MYSM1: variants seen among roughly 807,000 people sequenced by gnomAD.
MYSM1 encodes the protein deubiquitinase MYSM1.
MYSM1 carries 51 observed loss-of-function variants against 116.0 expected under a neutral mutation model. The observed-to-expected ratio is 0.44, with a 90% confidence interval of 0.35 to 0.56. The LOEUF (loss-of-function observed/expected upper bound fraction) is 0.56, where lower values mean the gene tolerates loss of function less well. Ranked by LOEUF, MYSM1 falls within the 20% of genes least tolerant of loss-of-function variation. MYSM1 has a pLI of 0.00. For missense variants in MYSM1, 900 were observed against 974.9 expected, an observed-to-expected ratio of 0.92 and a Z score of 1.02; for synonymous variants, 313 against 315.2, an observed-to-expected ratio of 0.99 and a Z score of 0.07.
chr1:58,688,283 C>T (rs1247459723), intron 6 of MYSM1, among the ~76,000 whole-genome samples: 2 of 151,292 alleles, frequency 1.3e-5, no homozygotes, highest in African/African-American at 4.9e-5. Flanking sequence ...CTTCAATTAG[C>T]ATACATAAAT....
At chr1:58,679,569 C>T (rs1644706258) in intron 8 of MYSM1, among the ~76,000 whole-genome samples, 1 of 152,124 alleles carries the variant, frequency 6.6e-6, no homozygotes, top group African/African-American at 2.4e-5. Context: ...AGTGATTCTC[C>T]TGCTTCAGTC....
chr1:58,665,465 A>G (rs764539630), intron 17 of MYSM1, 34 bp downstream of exon 17: 4 of 1,499,428 alleles, frequency 2.7e-6, no homozygotes, highest in Non-Finnish European at 3.6e-6. Context: ...ATAAGAGTAG[A>G]AAGAGGATAA....
In MYSM1 at chr1:58,658,485, G is replaced by A. The variant is rs1361127432; in HGVS notation, c.*1512C>T. ...TAGACTTCAGTTACACAAGAATTAA[G>A]GCTCAGGGAAAGTAAACTGTATCTC... is the stretch of plus-strand genomic sequence containing the variant. On this transcript the variant is annotated 3_prime_UTR_variant, in exon 20 of 20. Transcript: ENST00000472487. The A allele has an allele frequency of 6.6e-6, 1 of 152,100 alleles. No individual in the cohort carries two copies. The highest frequency in any genetic ancestry group is 6.6e-5 in the Admixed American group (1 of 15,258). 9.4% of individuals were successfully genotyped at this position (152,100 alleles called of 1,614,324 possible). A position where few individuals can be genotyped will look rare whatever the true frequency, so the allele number is the denominator to read the frequency against.
intron 11 of MYSM1, among the ~76,000 whole-genome samples, chr1:58,672,814 C>G (rs929960647): frequency 2.6e-5 from 4 of 152,100 alleles, no homozygotes; most frequent in Non-Finnish European, 5.9e-5. Context: ...TGGGACCAAC[C>G]TTATTGAACT....
At chr1:58,680,621 G>GC in intron 8 of MYSM1, among the ~76,000 whole-genome samples, 1 of 152,204 alleles carries the variant, frequency 6.6e-6, no homozygotes, top group East Asian at 1.9e-4. Flanking sequence ...ATTTATTATA[G>GC]CAAGTTGTTT....
At chr1:58,697,167 A>T (rs1432085999) in intron 1 of MYSM1, among the ~76,000 whole-genome samples, 1 of 152,156 alleles carries the variant, frequency 6.6e-6, no homozygotes, top group Non-Finnish European at 1.5e-5. Flanking sequence ...AGAAGGAGGG[A>T]GGTAAGGAAT....
At chr1:58,674,805 T>C (rs943886698) in intron 10 of MYSM1, among the ~76,000 whole-genome samples, 1 of 151,654 alleles carries the variant, frequency 6.6e-6, no homozygotes, top group African/African-American at 2.4e-5. Flanking sequence ...CGGGCACCTG[T>C]AGTCCCAGCT....
intron 7 of MYSM1, among the ~76,000 whole-genome samples, chr1:58,683,214 A>G (rs915894691): frequency 6.6e-6 from 1 of 152,234 alleles, no homozygotes; most frequent in African/African-American, 2.4e-5. Flanking sequence ...GCTCAGATCA[A>G]CTGTATGGAA....
At chr1:58,686,125 A>C (rs913926492) in intron 6 of MYSM1, among the ~76,000 whole-genome samples, 3 of 151,830 alleles carry the variant, frequency 2.0e-5, no homozygotes, top group Non-Finnish European at 4.4e-5. Flanking sequence ...GGGTCTCACT[A>C]TGTTGCCTAC....
chr1:58,667,560 A>G (rs539495072), intron 15 of MYSM1, among the ~76,000 whole-genome samples: 1 of 152,016 alleles, frequency 6.6e-6, no homozygotes, highest in South Asian at 2.1e-4. Flanking sequence ...TTTCAACTAA[A>G]GTGTTAGTAC....
intron 1 of MYSM1, among the ~76,000 whole-genome samples, chr1:58,698,262 A>G (rs1439189658): frequency 2.0e-5 from 3 of 149,712 alleles, no homozygotes; most frequent in African/African-American, 4.9e-5. Flanking sequence ...CACCACGCCC[A>G]GCTAATTTTT....
chr1:58,685,321 A>C, intron 6 of MYSM1, 70 bp from the exon 7 acceptor site: 2 of 892,958 alleles, frequency 2.2e-6, no homozygotes, highest in Non-Finnish European at 3.2e-6. Context: ...AGCCACTACC[A>C]CATTAAAAAA....
In MYSM1 at chr1:58,662,460, C is replaced by CA. The variant is rs1164549738; in HGVS notation, c.2165-950_2165-949insT. Among the ~76,000 whole-genome samples, 11 of 52,716 alleles carry CA rather than the reference C, an allele frequency of 2.1e-4. No individual in the cohort carries two copies. The East Asian group carries it at 5.2e-3, about 25-fold the overall frequency. 34.6% of individuals were successfully genotyped at this position (52,716 alleles called of 152,430 possible). ...GAAGTAGCTGCCATTATTCACCCCCCCCTTTTTTTTTTTTCGATGAGGACA... is the reference window on the plus strand; with the variant it reads ...GAAGTAGCTGCCATTATTCACCCCCCACCTTTTTTTTTTTTCGATGAGGACA... On this transcript the variant is annotated intron_variant, in intron 17 of 19. Coordinates refer to ENST00000472487, the MANE Select transcript of MYSM1 (RefSeq NM_001085487.3).
In MYSM1 at chr1:58,667,860, T is replaced by A; in HGVS notation, c.1829A>T (p.Asp610Val). Residue 610 changes from aspartate to valine, a missense_variant, in exon 15 of 20, where the codon GAT becomes GTT. Transcript: ENST00000472487. ...GLLGGRYSEVDKVVEVCAAEP... is the reference protein window; with the variant it reads ...GLLGGRYSEVVKVVEVCAAEP... ...GAGAGAACTTACTTCAACTACTTTATCAACTTCTGAGTATCTTCCTCCTAA... is the reference window on the plus strand; with the variant it reads ...GAGAGAACTTACTTCAACTACTTTAACAACTTCTGAGTATCTTCCTCCTAA... 6.2e-7 allele frequency: 1 copy of A among 1,606,452 alleles called. No individual in the cohort carries two copies. The highest frequency in any genetic ancestry group is 8.5e-7 in the Non-Finnish European group (1 of 1,172,984).
chr1:58,672,420 C>T (rs986392054), intron 11 of MYSM1, among the ~76,000 whole-genome samples: 4 of 151,914 alleles, frequency 2.6e-5, no homozygotes, highest in African/African-American at 7.3e-5. Flanking sequence ...CTTCAGTTAC[C>T]TCATCTTTAA....
At chr1:58,687,382 T>C (rs966962600) in intron 6 of MYSM1, among the ~76,000 whole-genome samples, 4 of 152,176 alleles carry the variant, frequency 2.6e-5, no homozygotes, top group African/African-American at 7.2e-5. Flanking sequence ...GAAGACTTAA[T>C]ACCCTATAAC....
rs1644340961 is a variant in MYSM1, at chr1:58,658,018, A to G, written c.*1979T>C. Reference sequence around the variant, plus strand: ...TTTGTTCCCCAATATATCATGAGGAAACAGGTCAAAAGGAAGATGAGTACA... The same window carrying G: ...TTTGTTCCCCAATATATCATGAGGAGACAGGTCAAAAGGAAGATGAGTACA... On this transcript the variant is annotated 3_prime_UTR_variant, in exon 20 of 20. Transcript: ENST00000472487. 1 of 152,218 alleles carries G rather than the reference A, an allele frequency of 6.6e-6. No individual in the cohort carries two copies. The highest frequency in any genetic ancestry group is 1.5e-5 in the Non-Finnish European group (1 of 68,036). 9.4% of individuals were successfully genotyped at this position (152,218 alleles called of 1,614,324 possible).
intron 8 of MYSM1, among the ~76,000 whole-genome samples, chr1:58,680,181 C>CT (rs1476060396): frequency 6.6e-6 from 1 of 152,048 alleles, no homozygotes; most frequent in African/African-American, 2.4e-5. Context: ...TCTAATTTAA[C>CT]TAGTCTTTGT....
At position 58,660,037 on chromosome 1, in the gene MYSM1, C is replaced by A; in HGVS notation, c.2447G>T (p.Gly816Val). Reference protein sequence around the residue: ...LSNYKSNQENGVTEENCTKEL... With the variant: ...LSNYKSNQENVVTEENCTKEL... The stretch of plus-strand genomic sequence containing the variant: ...CTTTGTACAGTTCTCTTCGGTTACT[C>A]CATTCTCTTGGTTGCTTTTATAATT... The change falls in exon 20 of 20, where the codon GGA (glycine) becomes GTA (valine). Residue 816 changes from glycine to valine, a missense_variant. By Grantham distance (109) the Gly-to-Val change is moderately radical (BLOSUM62 -3). Transcript: ENST00000472487. 6.2e-7 allele frequency: 1 copy of A among 1,607,358 alleles called. No individual in the cohort carries two copies. The highest frequency in any genetic ancestry group is 8.5e-7 in the Non-Finnish European group (1 of 1,176,254).
Sources: gnomAD v4.1 joint callset for allele counts (sites outside exome capture counted in the v4.1 genomes callset) on GRCh38, gnomAD v4.1.1 for gene constraint, MANE v1.5 for transcripts, NCBI Gene and HGNC (gene_info 2026-07-23, HGNC 2026-07-21) for gene names.